The following USP10 variants were observed in gnomAD, a reference collection of about 807,000 sequenced individuals.
The protein encoded by USP10 is ubiquitin specific peptidase 10.
Under a neutral mutation model 84.5 loss-of-function variants are expected in USP10, and 22 were observed. The observed-to-expected ratio is 0.26, with a 90% confidence interval of 0.19 to 0.37. USP10 has a LOEUF of 0.37. Among genes scored for constraint, USP10 ranks in the 10% least tolerant of loss-of-function variants. USP10 has a pLI of 1.00. For synonymous variants in USP10, 454 were observed against 387.6 expected (o/e 1.17, Z -2.01); for missense variants, 1,019 against 998.9 (o/e 1.02, Z -0.27).
chr16:84,716,029 T>C (rs1304815136), intron 1 of USP10, among the ~76,000 whole-genome samples: 2 of 152,094 alleles, frequency 1.3e-5, no homozygotes, highest in African/African-American at 4.8e-5. Flanking sequence ...CAGAGCACTG[T>C]GGCGAGGAGG....
intron 2 of USP10, among the ~76,000 whole-genome samples, chr16:84,737,839 C>T (rs1361677083): frequency 6.6e-6 from 1 of 152,254 alleles, no homozygotes; most frequent in African/African-American, 2.4e-5. Context: ...CCTGAGTGCC[C>T]AGTCAGTGCC....
chr16:84,751,099 A>G (rs1197605330), intron 4 of USP10, among the ~76,000 whole-genome samples: 1 of 152,236 alleles, frequency 6.6e-6, no homozygotes, highest in African/African-American at 2.4e-5. Context: ...TAAGATTATA[A>G]TGGAGCTAAA....
At chr16:84,758,946 C>T (rs1912891619) in intron 5 of USP10, 139 bp downstream of exon 5, 2 of 675,048 alleles carry the variant, frequency 3.0e-6, no homozygotes, top group Non-Finnish European at 5.3e-6. Context: ...CTTGGTCTGC[C>T]TACCTTGCTT....
intron 1 of USP10, among the ~76,000 whole-genome samples, chr16:84,721,618 C>T (rs1270675642): frequency 2.6e-5 from 4 of 152,154 alleles, no homozygotes; most frequent in African/African-American, 4.8e-5. Context: ...GCCTTGACCT[C>T]CTGGGTTCAA....
At chr16:84,755,583 G>A (rs1016284771) in intron 4 of USP10, among the ~76,000 whole-genome samples, 1 of 152,052 alleles carries the variant, frequency 6.6e-6, no homozygotes, top group Non-Finnish European at 1.5e-5. Context: ...CTGCAGTGAG[G>A]CATAATCACG....
At chr16:84,767,536 C>G (rs940699344) in intron 10 of USP10, among the ~76,000 whole-genome samples, 1 of 152,112 alleles carries the variant, frequency 6.6e-6, no homozygotes, top group African/African-American at 2.4e-5. Flanking sequence ...GGGATTTCCT[C>G]TATTTTATTA....
chr16:84,770,182 A>G (rs1034801340), intron 11 of USP10, among the ~76,000 whole-genome samples: 1 of 152,212 alleles, frequency 6.6e-6, no homozygotes, highest in African/African-American at 2.4e-5. Flanking sequence ...GGATGCTGCC[A>G]GCCGTTCTGG....
At chr16:84,705,842 C>G (rs142872361) in intron 1 of USP10, among the ~76,000 whole-genome samples, 1,540 of 149,984 alleles carry the variant, frequency 0.01, 22 homozygotes, top group African/African-American at 0.035. Context: ...GCCTCAGTCT[C>G]TCAAGTAGCT....
Position 84,735,057 on chromosome 16 carries a change from G to T in USP10, c.90+1554G>T, listed in dbSNP as rs185510314. On this transcript the variant is annotated intron_variant, in intron 2 of 13. Coordinates refer to ENST00000219473, the MANE Select transcript of USP10 (RefSeq NM_005153.3). Reference sequence around the variant, plus strand: ...TTTCTTTTCTTTTTTTCGAGACAGGGTCTCACTCTGCCCAGGCTGGAGTGC... The same window carrying T: ...TTTCTTTTCTTTTTTTCGAGACAGGTTCTCACTCTGCCCAGGCTGGAGTGC... Among the ~76,000 whole-genome samples, 886 of 151,612 alleles carry T rather than the reference G, an allele frequency of 5.8e-3. 6 individuals are homozygous for T. The highest frequency in any genetic ancestry group is 1.0e-2 in the Non-Finnish European group (678 of 67,884).
chr16:84,771,478 A>G (rs1914443237), intron 11 of USP10, among the ~76,000 whole-genome samples: 1 of 152,168 alleles, frequency 6.6e-6, no homozygotes, highest in Non-Finnish European at 1.5e-5. Context: ...ATGGGCAACC[A>G]GAGTGAGATC....
chr16:84,719,946 CAGAT>C (rs1474937351), intron 1 of USP10, among the ~76,000 whole-genome samples: 1 of 152,176 alleles, frequency 6.6e-6, no homozygotes, highest in African/African-American at 2.4e-5. Context: ...TTATTTTCAA[CAGAT>C]AGTAATTTTG....
At chr16:84,704,963 G>T in intron 1 of USP10, 1 of 1,494,544 alleles carries the variant, frequency 6.7e-7, no homozygotes. Context: ...ATGTGCATGT[G>T]GAGTGCGGGC....
intron 10 of USP10, among the ~76,000 whole-genome samples, chr16:84,765,390 C>T (rs796505439): frequency 3.2e-4 from 48 of 152,086 alleles, no homozygotes; most frequent in African/African-American, 1.1e-3. Flanking sequence ...GCCTGTGTGG[C>T]TGCCCTTGGT....
chr16:84,778,618 G>A (rs151101492), intron 13 of USP10, among the ~76,000 whole-genome samples: 5 of 152,282 alleles, frequency 3.3e-5, no homozygotes, highest in East Asian at 3.9e-4. Context: ...TGTGTGAGGC[G>A]TGGGACATTT....
intron 4 of USP10, among the ~76,000 whole-genome samples, chr16:84,753,613 G>A (rs531891677): frequency 2.0e-5 from 3 of 152,294 alleles, no homozygotes; most frequent in Non-Finnish European, 4.4e-5. Flanking sequence ...GCGAACCCCC[G>A]TCTTCCTGGT....
chr16:84,764,199 T>C lies in USP10; in HGVS notation c.1768T>C (p.Ser590Pro), dbSNP rs1224034408. ...ACAAGTGGGCCCCCGGAACAAGACT[T>C]CCGTCACCCGCCAGGCGGATTTTGT... Reference protein sequence around the residue: ...WEQVGPRNKTSVTRQADFVQT... With the variant: ...WEQVGPRNKTPVTRQADFVQT... Residue 590 changes from serine to proline, a missense_variant, in exon 10 of 14, where the codon TCC becomes CCC. By Grantham distance (74) the Ser-to-Pro change is moderately conservative. Coordinates refer to ENST00000219473, the MANE Select transcript of USP10 (RefSeq NM_005153.3). 2 of 1,613,910 alleles carry C rather than the reference T, an allele frequency of 1.2e-6. No homozygotes were observed. The highest frequency in any genetic ancestry group is 1.3e-5 in the African/African-American group (1 of 74,936).
chr16:84,745,257 C>G lies in USP10; in HGVS notation c.776C>G (p.Ala259Gly), dbSNP rs545209976. The change falls in exon 4 of 14, where the codon GCT becomes GGT. Residue 259 changes from alanine to glycine, a missense_variant. Physicochemically the swap from Ala to Gly is moderately conservative, Grantham distance 60. Coordinates refer to ENST00000219473, the MANE Select transcript of USP10 (RefSeq NM_005153.3). ...GGTCAGTCCTGCTTCCCTGCAGAGG[C>G]TGGCAGAGACACCCTGTCAAGGACA... Reference protein sequence around the residue: ...DFGQSCFPAEAGRDTLSRTAG... With the variant: ...DFGQSCFPAEGGRDTLSRTAG... 3.0e-5 allele frequency: 49 copies of G among 1,613,494 alleles called. No individual in the cohort carries two copies. The South Asian group carries it at 4.9e-4, about 16-fold the overall frequency.
chr16:84,726,490 G>C, intron 1 of USP10, among the ~76,000 whole-genome samples: 1 of 152,212 alleles, frequency 6.6e-6, no homozygotes, highest in East Asian at 1.9e-4. Context: ...GGCCGTAGTG[G>C]CCTCCACACA....
intron 2 of USP10, among the ~76,000 whole-genome samples, chr16:84,738,828 T>C (rs562027556): frequency 2.6e-5 from 4 of 152,278 alleles, no homozygotes; most frequent in Middle Eastern, 3.4e-3. Flanking sequence ...TGAGATCTCA[T>C]TGGAGAACTC....
Sources: allele counts gnomAD v4.1 joint callset (sites outside exome capture counted in the v4.1 genomes callset), GRCh38; gene constraint gnomAD v4.1.1; transcripts MANE v1.5; gene names NCBI Gene and HGNC (gene_info 2026-07-23, HGNC 2026-07-21).